The following XKR4 variants were observed in gnomAD, a reference collection of about 807,000 sequenced individuals.
The protein encoded by XKR4 is XK-related protein 4.
XKR4 carries 12 observed loss-of-function variants against 53.9 expected under a neutral mutation model. The ratio of observed to expected loss-of-function variants is 0.22; its 90% CI spans 0.14 to 0.36. XKR4 has a LOEUF of 0.36. Among genes scored for constraint, XKR4 ranks in the 10% least tolerant of loss-of-function variants. The pLI is 1.00. For missense variants in XKR4, 799 were observed against 859.5 expected, an observed-to-expected ratio of 0.93 and a Z score of 0.88; for synonymous variants, 354 against 362.4, an observed-to-expected ratio of 0.98 and a Z score of 0.26.
Position 55,438,336 on chromosome 8 carries a change from C to T in XKR4, c.1006+80459C>T, listed in dbSNP as rs745417813. ...ATTGTGGTAGCTCATGCCTGTAATC[C>T]AAGCACTTTGGGAGGCCGAGGCGGG... is the stretch of plus-strand genomic sequence containing the variant. On this transcript the variant is annotated intron_variant, in intron 2 of 2. Transcript: ENST00000327381. Among the ~76,000 whole-genome samples the T allele has an allele frequency of 2.6e-5, 4 of 151,918 alleles. No homozygotes were observed. The East Asian group carries it at 7.7e-4, about 29-fold the overall frequency.
At chr8:55,481,378 C>G (rs548823279) in intron 2 of XKR4, among the ~76,000 whole-genome samples, 4 of 151,852 alleles carry the variant, frequency 2.6e-5, no homozygotes, top group Admixed American at 2.6e-4. Flanking sequence ...TTCCTTACAC[C>G]TTATACAAAA....
At chr8:55,145,458 G>A (rs1279183165) in intron 1 of XKR4, among the ~76,000 whole-genome samples, 3 of 151,932 alleles carry the variant, frequency 2.0e-5, no homozygotes, top group Non-Finnish European at 1.5e-5. Context: ...TTCCCTAAGA[G>A]GATTGCAATG....
chr8:55,396,399 G>GTTTTTTTTTTTTTTTTTTT (rs71256534), intron 2 of XKR4, among the ~76,000 whole-genome samples: 2 of 88,746 alleles, frequency 2.3e-5, no homozygotes, highest in South Asian at 4.2e-4. Flanking sequence ...TTTTTGTTTG[G>GTTTTTTTTTTTTTTTTTTT]TTTTTTTTTT....
chr8:55,535,113 A>C lies in XKR4; in HGVS notation c.*10886A>C, dbSNP rs533245568. 3.9e-5 allele frequency: 6 copies of C among 152,360 alleles called. No homozygotes were observed. The highest frequency in any genetic ancestry group is 3.3e-4 in the Admixed American group (5 of 15,306). The allele number at this position is 152,360 out of a possible 1,614,324, so 9.4% of individuals were successfully genotyped here. A position where few individuals can be genotyped will look rare whatever the true frequency, so the allele number is the denominator to read the frequency against. ...CTACTGAATGATCTTCCCAGTTATC[A>C]GCACTAGCATCACGGCGAGTCAGTT... is the stretch of plus-strand genomic sequence containing the variant. On this transcript the variant is annotated 3_prime_UTR_variant, in exon 3 of 3. Coordinates refer to ENST00000327381, the MANE Select transcript of XKR4 (RefSeq NM_052898.2).
chr8:55,351,899 C>T (rs1400782913), intron 1 of XKR4, among the ~76,000 whole-genome samples: 1 of 152,166 alleles, frequency 6.6e-6, no homozygotes, highest in East Asian at 1.9e-4. Flanking sequence ...TCCTGTTTCC[C>T]TTGGACAAAA....
intron 1 of XKR4, among the ~76,000 whole-genome samples, chr8:55,273,345 G>T (rs1818719946): frequency 6.6e-6 from 1 of 152,102 alleles, no homozygotes; most frequent in African/African-American, 2.4e-5. Context: ...TCATTCCTAG[G>T]CGTAGGCTGA....
At chr8:55,519,480 T>A (rs1168271770) in intron 2 of XKR4, among the ~76,000 whole-genome samples, 1 of 152,232 alleles carries the variant, frequency 6.6e-6, no homozygotes, top group East Asian at 1.9e-4. Flanking sequence ...GAACACCTTT[T>A]TTTTTCTTTT....
chr8:55,106,583 C>T (rs768223023), intron 1 of XKR4, among the ~76,000 whole-genome samples: 6 of 152,106 alleles, frequency 3.9e-5, no homozygotes, highest in African/African-American at 1.2e-4. Flanking sequence ...ATCACAAATT[C>T]CCTAAGAGAA....
chr8:55,501,453 T>C (rs1806434156), intron 2 of XKR4, among the ~76,000 whole-genome samples: 1 of 148,314 alleles, frequency 6.7e-6, no homozygotes, highest in South Asian at 2.1e-4. Flanking sequence ...ACACTAACTG[T>C]TAATTCTCCC....
intron 1 of XKR4, among the ~76,000 whole-genome samples, chr8:55,186,322 C>T (rs972986780): frequency 6.6e-6 from 1 of 152,118 alleles, no homozygotes; most frequent in Admixed American, 6.5e-5. Flanking sequence ...AAAAAGATGA[C>T]CATATCAGTA....
At chr8:55,273,142 C>CTGTGTGTGTGTGTGTG (rs5891567) in intron 1 of XKR4, among the ~76,000 whole-genome samples, 1 of 147,444 alleles carries the variant, frequency 6.8e-6, no homozygotes, top group African/African-American at 2.5e-5. Flanking sequence ...GAAAAGAGGA[C>CTGTGTGTGTGTGTGTG]TGTGTGTGTG....
rs1200545251 is a variant in XKR4, at chr8:55,225,059, A to G, written c.806+121765A>G. Among the ~76,000 whole-genome samples, 4 of 152,242 alleles carry G rather than the reference A, an allele frequency of 2.6e-5. No homozygotes were observed. In the East Asian group the frequency reaches 5.8e-4, roughly 22 times the overall value. ...ACATTATAAATACTTAGAATAAAACATAATATAAAACTTACATTCCCTGTG... is the reference window on the plus strand; with the variant it reads ...ACATTATAAATACTTAGAATAAAACGTAATATAAAACTTACATTCCCTGTG... On this transcript the variant is annotated intron_variant, in intron 1 of 2. Transcript: ENST00000327381.
chr8:55,385,319 T>A (rs1019510006), intron 2 of XKR4, among the ~76,000 whole-genome samples: 2 of 152,142 alleles, frequency 1.3e-5, no homozygotes, highest in Non-Finnish European at 2.9e-5. Context: ...GACATCTACT[T>A]ACTGTTTCCT....
At chr8:55,248,060 T>C (rs2129369266) in intron 1 of XKR4, among the ~76,000 whole-genome samples, 1 of 151,814 alleles carries the variant, frequency 6.6e-6, no homozygotes, top group Non-Finnish European at 1.5e-5. Context: ...TTTCATTGTG[T>C]TAGCCAGGAT....
At chr8:55,203,291 T>C (rs957804032) in intron 1 of XKR4, among the ~76,000 whole-genome samples, 2 of 152,208 alleles carry the variant, frequency 1.3e-5, no homozygotes, top group African/African-American at 4.8e-5. Flanking sequence ...CCCAACTGCA[T>C]CTTCACACAC....
chr8:55,454,621 T>C, intron 2 of XKR4: 2 of 1,249,274 alleles, frequency 1.6e-6, no homozygotes, highest in Non-Finnish European at 1.2e-6. Flanking sequence ...CGTCCTCTAC[T>C]AGCCCCCAGC....
intron 2 of XKR4, among the ~76,000 whole-genome samples, chr8:55,371,633 C>T (rs977729364): frequency 5.9e-5 from 9 of 152,208 alleles, no homozygotes; most frequent in Non-Finnish European, 1.3e-4. Context: ...ACAAAACTCA[C>T]TGGTGTGTTG....
chr8:55,274,869 T>TGGGGCGGA (rs1818742925), intron 1 of XKR4, among the ~76,000 whole-genome samples: 1 of 152,074 alleles, frequency 6.6e-6, no homozygotes, highest in South Asian at 2.1e-4. Flanking sequence ...CATGGGGAAG[T>TGGGGCGGA]GGGGCGGATA....
chr8:55,183,920 G>C (rs1305832743), intron 1 of XKR4, among the ~76,000 whole-genome samples: 1 of 152,004 alleles, frequency 6.6e-6, no homozygotes, highest in East Asian at 1.9e-4. Context: ...TCTCTATTAG[G>C]TGTGTACACA....
Sources: allele counts gnomAD v4.1 joint callset (sites outside exome capture counted in the v4.1 genomes callset), GRCh38; gene constraint gnomAD v4.1.1; transcripts MANE v1.5; gene names NCBI Gene and HGNC (gene_info 2026-07-23, HGNC 2026-07-21).